ARID2: variants seen among roughly 807,000 people sequenced by gnomAD.
ARID2 encodes AT-rich interaction domain 2, also known as AT-rich interactive domain-containing protein 2.
Under a neutral mutation model 184.6 loss-of-function variants are expected in ARID2, and 32 were observed. The observed-to-expected ratio is 0.17, with a 90% CI of 0.13 to 0.23. The LOEUF (loss-of-function observed/expected upper bound fraction) is 0.23, where lower values mean the gene tolerates loss of function less well. Ranked by LOEUF, ARID2 falls within the 10% of genes least tolerant of loss-of-function variation. The pLI, the probability that ARID2 is intolerant of heterozygous loss-of-function variation, is 1.00. For synonymous variants in ARID2, 836 were observed against 772.6 expected, an observed-to-expected ratio of 1.08 and a Z score of -1.36; for missense variants, 1,696 against 2,197.6, an observed-to-expected ratio of 0.77 and a Z score of 4.56.
At chr12:45,893,819 T>G (rs1944334883) in intron 20 of ARID2, 98 bp downstream of exon 20, 4 of 1,120,402 alleles carry the variant, frequency 3.6e-6, no homozygotes, top group Non-Finnish European at 4.9e-6. Flanking sequence ...TTCATTGTTT[T>G]TCTCATCAAT....
At chr12:45,885,179 G>A (rs1420036253) in intron 16 of ARID2, among the ~76,000 whole-genome samples, 1 of 151,200 alleles carries the variant, frequency 6.6e-6, no homozygotes, top group Non-Finnish European at 1.5e-5. Flanking sequence ...TTGTTACTAA[G>A]TCTTATTTGA....
At chr12:45,883,987 G>A (rs1394558531) in intron 16 of ARID2, among the ~76,000 whole-genome samples, 2 of 152,168 alleles carry the variant, frequency 1.3e-5, no homozygotes, top group African/African-American at 2.4e-5. Flanking sequence ...GAATAAGCTA[G>A]AATTTAAAAG....
chr12:45,762,097 T>C (rs977376050), intron 3 of ARID2, among the ~76,000 whole-genome samples: 9 of 152,232 alleles, frequency 5.9e-5, no homozygotes, highest in African/African-American at 2.2e-4. Flanking sequence ...CCTGAGGCTA[T>C]TTATTATGAC....
chr12:45,855,563 A>G (rs144911153), intron 15 of ARID2, among the ~76,000 whole-genome samples: 71 of 152,354 alleles, frequency 4.7e-4, no homozygotes, highest in African/African-American at 1.7e-3. Context: ...ATGATGAAGT[A>G]CCTATTGGGG....
intron 3 of ARID2, among the ~76,000 whole-genome samples, chr12:45,788,827 A>T (rs983333452): frequency 6.6e-6 from 1 of 152,222 alleles, no homozygotes; most frequent in African/African-American, 2.4e-5. Context: ...GTGTGAATAG[A>T]TGCTCACCTA....
rs188968165 is a variant in ARID2, at chr12:45,769,195, A to G, written c.284+37881A>G. 2.9e-4 allele frequency among the ~76,000 whole-genome samples: 44 copies of G among 152,386 alleles called. No individual in the cohort carries two copies. The East Asian group carries it at 8.1e-3, about 28-fold the overall frequency. On this transcript the variant is annotated intron_variant, in intron 3 of 20. Coordinates refer to ENST00000334344, the MANE Select transcript of ARID2 (RefSeq NM_152641.4). ...GCTATACACCAGAAAAAAAGCAGGC[A>G]ACAGAAACTGCCTGTAAAAGTGACC...
At chr12:45,778,463 T>C (rs1592070753) in intron 3 of ARID2, among the ~76,000 whole-genome samples, 1 of 151,550 alleles carries the variant, frequency 6.6e-6, no homozygotes, top group Admixed American at 6.5e-5. Context: ...CTGTTTTTGA[T>C]ATTTGTGTGT....
At position 45,784,049 on chromosome 12, in the gene ARID2, GC is replaced by G. The variant is rs1261147016; in HGVS notation, c.285-27368del. On this transcript the variant is annotated intron_variant, in intron 3 of 20. Transcript: ENST00000334344. ...GTGTTGCCTGGGCTGGAGTGCAGTG[GC>G]AAGATTGTAGCTCACTGTAGCCTCA... Among the ~76,000 whole-genome samples, 13 of 152,290 alleles carry G rather than the reference GC, an allele frequency of 8.5e-5. No individual in the cohort carries two copies. The East Asian group carries it at 2.5e-3, about 29-fold the overall frequency.
intron 11 of ARID2, among the ~76,000 whole-genome samples, chr12:45,844,082 C>T (rs1194683982): frequency 6.6e-6 from 1 of 152,214 alleles, no homozygotes; most frequent in Admixed American, 6.5e-5. Flanking sequence ...ACCCAGACTG[C>T]AGTGCAGGGG....
At chr12:45,759,049 A>G (rs1941624913) in intron 3 of ARID2, among the ~76,000 whole-genome samples, 1 of 152,130 alleles carries the variant, frequency 6.6e-6, no homozygotes, top group South Asian at 2.1e-4. Flanking sequence ...ATATATTTAT[A>G]GGGAGAATAG....
chr12:45,785,819 G>A (rs765166680), intron 3 of ARID2, among the ~76,000 whole-genome samples: 14 of 152,076 alleles, frequency 9.2e-5, no homozygotes, highest in Non-Finnish European at 1.8e-4. Context: ...TAGTACTTAG[G>A]TCTTATATTT....
intron 3 of ARID2, among the ~76,000 whole-genome samples, chr12:45,806,453 C>T (rs1270553050): frequency 6.6e-6 from 1 of 152,074 alleles, no homozygotes; most frequent in Non-Finnish European, 1.5e-5. Context: ...TTCATTTATT[C>T]CGGTCTCTCC....
intron 3 of ARID2, among the ~76,000 whole-genome samples, chr12:45,753,741 G>A (rs1259831347): frequency 2.6e-5 from 4 of 152,000 alleles, no homozygotes; most frequent in South Asian, 4.2e-4. Flanking sequence ...CTACAGGCAC[G>A]TGCCACCATG....
chr12:45,897,723 C>T (rs549900670), intron 20 of ARID2, among the ~76,000 whole-genome samples: 5 of 151,754 alleles, frequency 3.3e-5, no homozygotes, highest in African/African-American at 1.2e-4. Context: ...TGTCTATCAT[C>T]GATGATAGAC....
intron 3 of ARID2, among the ~76,000 whole-genome samples, chr12:45,768,439 C>T (rs1042340453): frequency 5.9e-5 from 9 of 152,278 alleles, no homozygotes; most frequent in Admixed American, 5.9e-4. Context: ...TGTTTTTGTC[C>T]TCTAGCTGGG....
Position 45,768,286 on chromosome 12 carries a change from C to T in ARID2, c.284+36972C>T, listed in dbSNP as rs1467533550. ...GCTGAGAGGCAGGAACTATTTCTTA[C>T]TCATGGTACAGAGGCTGTACCTGTG... On this transcript the variant is annotated intron_variant, in intron 3 of 20. Transcript: ENST00000334344. Among the ~76,000 whole-genome samples the T allele has an allele frequency of 2.0e-5, 3 of 151,958 alleles. No individual in the cohort carries two copies. The East Asian group carries it at 5.8e-4, about 29-fold the overall frequency.
At chr12:45,871,255 T>C (rs1943921797) in intron 16 of ARID2, among the ~76,000 whole-genome samples, 2 of 152,256 alleles carry the variant, frequency 1.3e-5, no homozygotes, top group Non-Finnish European at 2.9e-5. Context: ...TATATCTTTT[T>C]GGTGGGTGTC....
chr12:45,881,101 G>A (rs1250355121), intron 16 of ARID2: 1 of 157,730 alleles, frequency 6.3e-6, no homozygotes, highest in East Asian at 1.8e-4. Context: ...CTTGCTGAGG[G>A]TCATGTTGGG....
At chr12:45,837,737 C>T (rs1441504374) in intron 10 of ARID2, 30 bp downstream of exon 10, 1 of 1,592,442 alleles carries the variant, frequency 6.3e-7, no homozygotes, top group East Asian at 2.2e-5. Flanking sequence ...CACTTATTTT[C>T]TTTATTGAGT....
Sources: allele counts gnomAD v4.1 joint callset (sites outside exome capture counted in the v4.1 genomes callset), GRCh38; gene constraint gnomAD v4.1.1; transcripts MANE v1.5; gene names NCBI Gene and HGNC (gene_info 2026-07-23, HGNC 2026-07-21).